The following VAT1L variants were observed in gnomAD, a reference collection of about 807,000 sequenced individuals.
VAT1L encodes the protein vesicle amine transport 1 like, also known as putative NADPH-dependent quinone oxidoreductase VAT1L.
A neutral mutation model predicts 44.1 loss-of-function variants in VAT1L; 34 were observed. That is an observed-to-expected ratio of 0.77 (90% CI 0.59 to 1.03). VAT1L has a LOEUF of 1.03. VAT1L is among the 50% of genes least tolerant of loss of function. VAT1L has a pLI of 0.00. For synonymous variants in VAT1L, 253 were observed against 202.2 expected, an observed-to-expected ratio of 1.25 and a Z score of -2.13; for missense variants, 615 against 538.8, an observed-to-expected ratio of 1.14 and a Z score of -1.40.
chr16:77,821,412 T>C (rs1483269760), intron 2 of VAT1L, among the ~76,000 whole-genome samples: 2 of 151,672 alleles, frequency 1.3e-5, no homozygotes, highest in Non-Finnish European at 2.9e-5. Context: ...GCGATTCTCC[T>C]GCCTCAGCCT....
At chr16:77,902,875 A>C (rs913843531) in intron 7 of VAT1L, among the ~76,000 whole-genome samples, 1 of 150,582 alleles carries the variant, frequency 6.6e-6, no homozygotes, top group Non-Finnish European at 1.5e-5. Flanking sequence ...TGGGAGGCTG[A>C]GGCAGCAGAA....
intron 3 of VAT1L, among the ~76,000 whole-genome samples, chr16:77,841,983 G>A (rs1394778662): frequency 1.3e-5 from 2 of 152,156 alleles, no homozygotes; most frequent in East Asian, 3.9e-4. Context: ...CACCTCCCGG[G>A]TTCACGCCAT....
intron 7 of VAT1L, among the ~76,000 whole-genome samples, chr16:77,946,279 C>CTTGTTTTTTTTTTT (rs2017963497): frequency 1.4e-5 from 1 of 70,428 alleles, no homozygotes; most frequent in Non-Finnish European, 2.5e-5. Context: ...GTTACTTGTT[C>CTTGTTTTTTTTTTT]TTTTTTTTTT....
At chr16:77,930,795 C>G (rs1290229285) in intron 7 of VAT1L, among the ~76,000 whole-genome samples, 1 of 152,098 alleles carries the variant, frequency 6.6e-6, no homozygotes, top group Non-Finnish European at 1.5e-5. Context: ...TGTTCTCTCT[C>G]CTACCCAGTG....
At chr16:77,919,179 C>A (rs2017584785) in intron 7 of VAT1L, among the ~76,000 whole-genome samples, 1 of 152,188 alleles carries the variant, frequency 6.6e-6, no homozygotes, top group Middle Eastern at 3.4e-3. Context: ...TGTGCATGTG[C>A]ATGTGTGTGT....
At chr16:77,955,636 A>G (rs1343882273) in intron 7 of VAT1L, among the ~76,000 whole-genome samples, 1 of 151,730 alleles carries the variant, frequency 6.6e-6, no homozygotes, top group South Asian at 2.1e-4. Flanking sequence ...GAAGTGGGAG[A>G]ATCTCTTGAA....
At chr16:77,876,588 GT>G in intron 5 of VAT1L, 115 bp downstream of exon 5, 2 of 856,336 alleles carry the variant, frequency 2.3e-6, no homozygotes, top group South Asian at 3.2e-5. Context: ...GGATGGGGGT[GT>G]TTCATTTTTT....
chr16:77,977,868 C>A lies in VAT1L; in HGVS notation c.*173C>A. On this transcript the variant is annotated 3_prime_UTR_variant, in exon 9 of 9. Transcript: ENST00000302536. ...ACTGTTGTTTTTTGAAGTGCCAATC[C>A]CATGCCATGCAGTATTATGTCCCTC... 1 of 622,594 alleles carries A rather than the reference C, an allele frequency of 1.6e-6. No homozygotes were observed. Among genetic ancestry groups the A allele is most frequent in the South Asian group, 1.9e-5 (1 of 53,384 alleles). 38.6% of individuals were successfully genotyped at this position (622,594 alleles called of 1,614,324 possible). A position where few individuals can be genotyped will look rare whatever the true frequency, so the allele number is the denominator to read the frequency against.
At chr16:77,816,034 G>T (rs967356150) in intron 1 of VAT1L, among the ~76,000 whole-genome samples, 35 of 145,896 alleles carry the variant, frequency 2.4e-4, no homozygotes, top group African/African-American at 6.8e-4. Context: ...ATGTTTAATG[G>T]GATGTGTTTC....
intron 3 of VAT1L, among the ~76,000 whole-genome samples, chr16:77,849,969 A>C (rs1029763968): frequency 6.6e-6 from 1 of 152,214 alleles, no homozygotes; most frequent in Non-Finnish European, 1.5e-5. Flanking sequence ...GGAATTGTTG[A>C]TCACATCAGA....
At chr16:77,803,488 C>A (rs988721741) in intron 1 of VAT1L, among the ~76,000 whole-genome samples, 7 of 137,336 alleles carry the variant, frequency 5.1e-5, no homozygotes, top group Non-Finnish European at 1.1e-4. Context: ...GGTGCGATCT[C>A]GGCTCACTGC....
chr16:77,828,305 G>A (rs931930613), intron 3 of VAT1L, among the ~76,000 whole-genome samples: 1 of 152,238 alleles, frequency 6.6e-6, no homozygotes, highest in Non-Finnish European at 1.5e-5. Context: ...AAGTAAGGAC[G>A]TTGAGATAGG....
chr16:77,910,833 A>G (rs994497799), intron 7 of VAT1L, among the ~76,000 whole-genome samples: 1 of 152,190 alleles, frequency 6.6e-6, no homozygotes, highest in Admixed American at 6.5e-5. Flanking sequence ...TAATTATTAG[A>G]CATTTGTTCA....
At chr16:77,947,151 A>G (rs74579035) in intron 7 of VAT1L, among the ~76,000 whole-genome samples, 5,436 of 152,328 alleles carry the variant, frequency 0.036, 142 homozygotes, top group Middle Eastern at 0.068. Context: ...GGGCAGAGAT[A>G]ATTAAAAATT....
In VAT1L at chr16:77,788,909, A is replaced by G; in HGVS notation, c.227A>G (p.Lys76Arg). Reference sequence around the variant, plus strand: ...GACGGCGAGCTCAAGATCCGCGTCAAAGCCTGGTCCAGTATCCGCGCCTTT... The same window carrying G: ...GACGGCGAGCTCAAGATCCGCGTCAGAGCCTGGTCCAGTATCCGCGCCTTT... ...PQDGELKIRV[K>R]ACGLNFIDLM... is the part of the protein sequence containing the mutation. Residue 76 changes from lysine to arginine, a missense_variant, in exon 1 of 9, where the codon AAA becomes AGA. Physicochemically the swap from Lys to Arg is conservative, Grantham distance 26. Transcript: ENST00000302536. 3 of 1,522,024 alleles carry G rather than the reference A, an allele frequency of 2.0e-6. No homozygotes were observed. The highest frequency in any genetic ancestry group is 2.6e-6 in the Non-Finnish European group (3 of 1,136,286). 94.3% of individuals were successfully genotyped at this position (1,522,024 alleles called of 1,614,324 possible).
chr16:77,928,755 GAAT>G (rs2142500170), intron 7 of VAT1L, among the ~76,000 whole-genome samples: 1 of 9,350 alleles, frequency 1.1e-4, no homozygotes, highest in African/African-American at 1.8e-4. Context: ...AGGAGAGTAA[GAAT>G]TTTTTTTTTA....
chr16:77,909,072 C>A (rs1237046838), intron 7 of VAT1L, among the ~76,000 whole-genome samples: 1 of 152,160 alleles, frequency 6.6e-6, no homozygotes, highest in African/African-American at 2.4e-5. Context: ...GTACTGGACA[C>A]TGTCCTAAAC....
chr16:77,884,646 TGAG>T lies in VAT1L; in HGVS notation c.925_927del (p.Glu309del). On this transcript the variant is annotated inframe_deletion, in exon 7 of 9. Transcript: ENST00000302536. The surrounding 1 kb of genome is among the most constrained non-coding windows in gnomAD (Gnocchi z 4.5). ...AGAAGGTGAACCCCATCAAGCTGTA[TGAG>T]GAGAACAAAGTCATCGCGGGGTTTT... The T allele has an allele frequency of 6.2e-7, 1 of 1,613,674 alleles. No individual in the cohort carries two copies. The highest frequency in any genetic ancestry group is 2.2e-5 in the East Asian group (1 of 44,836).
chr16:77,924,606 G>A (rs903884271), intron 7 of VAT1L, among the ~76,000 whole-genome samples: 1 of 151,996 alleles, frequency 6.6e-6, no homozygotes, highest in African/African-American at 2.4e-5. Context: ...GATTACATAC[G>A]TATGCCACCA....
Sources: gnomAD v4.1 joint callset for allele counts (sites outside exome capture counted in the v4.1 genomes callset) on GRCh38, gnomAD v4.1.1 for gene constraint, Gnocchi (gnomAD v3.1) non-coding constraint, MANE v1.5 for transcripts, NCBI Gene and HGNC (gene_info 2026-07-23, HGNC 2026-07-21) for gene names.